Variants in CSPP1 observed in about 807,000 individuals in gnomAD.
The protein encoded by CSPP1 is centrosome and spindle pole associated protein 1.
A neutral mutation model predicts 164.4 loss-of-function variants in CSPP1; 126 were observed. That is an observed-to-expected ratio of 0.77 (90% CI 0.66 to 0.89). CSPP1 has a LOEUF of 0.89. CSPP1 is among the 40% of genes least tolerant of loss of function. CSPP1 has a pLI of 0.00. For synonymous variants in CSPP1, 472 were observed against 476.7 expected, an observed-to-expected ratio of 0.99 and a Z score of 0.13; for missense variants, 1,395 against 1,449.8, an observed-to-expected ratio of 0.96 and a Z score of 0.61.
In CSPP1 at chr8:67,190,758, T is replaced by C. The variant is rs922480262; in HGVS notation, c.3329T>C (p.Ile1110Thr). 6.3e-6 allele frequency: 10 copies of C among 1,599,066 alleles called. No individual in the cohort carries two copies. Among genetic ancestry groups the C allele is most frequent in the Non-Finnish European group, 8.6e-6 (10 of 1,166,392 alleles). ...AGGAACAAATGGAAAGGACTAGACA[T>C]TGTATGTATGAGACTTTTCTCCCCC... ...RRRNKWKGLD[I>T]DSSRPNVAPD... Residue 1110 changes from isoleucine to threonine, a missense_variant and splice_region_variant, in exon 29 of 31, where the codon ATT becomes ACT. Ile to Thr is a moderately conservative substitution (Grantham distance 89, BLOSUM62 -1). Coordinates refer to ENST00000678616, the MANE Select transcript of CSPP1 (RefSeq NM_001382391.1).
intron 24 of CSPP1, among the ~76,000 whole-genome samples, chr8:67,165,813 A>C (rs2129563458): frequency 6.6e-6 from 1 of 152,316 alleles, no homozygotes; most frequent in Non-Finnish European, 1.5e-5. Context: ...TAGAAAGTTA[A>C]CTATTCTTTG....
chr8:67,090,504 G>A (rs1811395819), intron 4 of CSPP1, among the ~76,000 whole-genome samples: 1 of 151,944 alleles, frequency 6.6e-6, no homozygotes, highest in Non-Finnish European at 1.5e-5. Flanking sequence ...AGGCTGGTCC[G>A]AACTCCTGAG....
Position 67,076,515 on chromosome 8 carries a change from A to G in CSPP1, c.133A>G (p.Lys45Glu). 1 of 1,600,928 alleles carries G rather than the reference A, an allele frequency of 6.2e-7. No homozygotes were observed. Among genetic ancestry groups the G allele is most frequent in the Non-Finnish European group, 8.5e-7 (1 of 1,174,944 alleles). Reference sequence around the variant, plus strand: ...GTCAGCGAAGCTTTCTGAAAACAGTAAGATACTGATCTCTATGGCTAAGGA... The same window carrying G: ...GTCAGCGAAGCTTTCTGAAAACAGTGAGATACTGATCTCTATGGCTAAGGA... ...KLSAKLSENS[K>E]ILISMAKENI... The change falls in exon 3 of 31, where the codon AAG (lysine) becomes GAG (glutamate). Residue 45 changes from lysine to glutamate, a missense_variant. Physicochemically the swap from Lys to Glu is moderately conservative, Grantham distance 56 (BLOSUM62 1). Coordinates refer to ENST00000678616, the MANE Select transcript of CSPP1 (RefSeq NM_001382391.1).
intron 21 of CSPP1, among the ~76,000 whole-genome samples, chr8:67,159,919 T>TCTTTC (rs1339666701): frequency 4.5e-4 from 27 of 59,352 alleles, no homozygotes; most frequent in East Asian, 9.4e-4. Context: ...TTTCTTTCTT[T>TCTTTC]CTTTCCTTTC....
At chr8:67,083,627 C>T (rs1809793671) in intron 3 of CSPP1, 1 of 142,564 alleles carries the variant, frequency 7.0e-6, no homozygotes. Context: ...TCTTTCCATT[C>T]TTCCACATAA....
At chr8:67,072,040 T>C (rs1056923654) in intron 1 of CSPP1, among the ~76,000 whole-genome samples, 2 of 152,198 alleles carry the variant, frequency 1.3e-5, no homozygotes, top group African/African-American at 4.8e-5. Flanking sequence ...CTCAGCACTT[T>C]GGGAGGCCAA....
At chr8:67,105,862 C>G in intron 8 of CSPP1, 43 bp from the exon 9 acceptor site, 1 of 1,131,730 alleles carries the variant, frequency 8.8e-7, no homozygotes, top group African/African-American at 1.5e-5. Context: ...TGAAAATTAT[C>G]TGGATTTTAA....
chr8:67,112,143 G>T, intron 10 of CSPP1, 78 bp downstream of exon 10: 1 of 913,286 alleles, frequency 1.1e-6, no homozygotes, highest in Non-Finnish European at 1.7e-6. Flanking sequence ...TTAAATAAGG[G>T]GTTGTCGTTC....
intron 25 of CSPP1, chr8:67,173,756 T>C (rs909370298): frequency 1.3e-5 from 2 of 152,282 alleles, no homozygotes; most frequent in African/African-American, 4.8e-5. Context: ...TTATTTTTTA[T>C]GCTATCAAAT....
chr8:67,136,511 G>A (rs940207115), intron 16 of CSPP1, among the ~76,000 whole-genome samples: 1 of 143,248 alleles, frequency 7.0e-6, no homozygotes, highest in Admixed American at 7.2e-5. Context: ...GGAGCTTGCA[G>A]TGAGCTGAGA....
chr8:67,085,781 A>G (rs1364083796), intron 3 of CSPP1, among the ~76,000 whole-genome samples: 1 of 152,118 alleles, frequency 6.6e-6, no homozygotes, highest in Non-Finnish European at 1.5e-5. Flanking sequence ...TGTTCTGGAC[A>G]GGAGAACAGG....
intron 19 of CSPP1, among the ~76,000 whole-genome samples, chr8:67,154,653 G>A (rs1007391325): frequency 6.6e-5 from 10 of 151,798 alleles, no homozygotes; most frequent in African/African-American, 9.7e-5. Context: ...GGCGTGAGCC[G>A]CCACACCTGA....
At chr8:67,083,548 A>AAATATATAT (rs1332248754) in intron 3 of CSPP1, 4 of 91,486 alleles carry the variant, frequency 4.4e-5, no homozygotes, top group East Asian at 3.5e-4. Context: ...AAAAAAAAAA[A>AAATATATAT]ATATATATAT....
chr8:67,159,216 AG>A (rs1827243881), intron 21 of CSPP1, 79 bp downstream of exon 21: 1 of 1,336,204 alleles, frequency 7.5e-7, no homozygotes, highest in Admixed American at 2.3e-5. Flanking sequence ...TTGTTAGAAA[AG>A]GGGAGAAAGA....
At chr8:67,190,129 T>G (rs990909392) in intron 28 of CSPP1, among the ~76,000 whole-genome samples, 1 of 152,234 alleles carries the variant, frequency 6.6e-6, no homozygotes, top group Middle Eastern at 3.2e-3. Context: ...AACTTGAATG[T>G]GAATGTTCAT....
chr8:67,184,203 T>C (rs1405210880), intron 28 of CSPP1, among the ~76,000 whole-genome samples: 1 of 152,184 alleles, frequency 6.6e-6, no homozygotes, highest in Non-Finnish European at 1.5e-5. Context: ...TGACTGTGCA[T>C]ACATGAAGAA....
chr8:67,196,415 CAGTA>C lies in CSPP1; in HGVS notation c.*826_*829del, dbSNP rs1353766728. 1.3e-5 allele frequency among the ~76,000 whole-genome samples: 2 copies of C among 152,104 alleles called. No individual in the cohort carries two copies. Among genetic ancestry groups the C allele is most frequent in the Non-Finnish European group, 2.9e-5 (2 of 68,032 alleles). The stretch of plus-strand genomic sequence containing the variant: ...AGTCCATGTGAGTTTTCTAATCACT[CAGTA>C]AGTGATACTTCTAAAAAAGGAAAGA... On this transcript the variant is annotated 3_prime_UTR_variant, in exon 31 of 31. Coordinates refer to ENST00000678616, the MANE Select transcript of CSPP1 (RefSeq NM_001382391.1).
At chr8:67,159,709 A>T (rs999411762) in intron 21 of CSPP1, among the ~76,000 whole-genome samples, 11 of 149,838 alleles carry the variant, frequency 7.3e-5, no homozygotes, top group Non-Finnish European at 1.6e-4. Context: ...TTTAGCAGAG[A>T]CGGGGTTTCA....
intron 9 of CSPP1, among the ~76,000 whole-genome samples, chr8:67,109,418 C>T (rs1816351281): frequency 1.3e-5 from 2 of 152,274 alleles, no homozygotes; most frequent in East Asian, 1.9e-4. Context: ...TATATCAGGT[C>T]CACCTAAGAT....
Sources: allele counts gnomAD v4.1 joint callset (sites outside exome capture counted in the v4.1 genomes callset), GRCh38; gene constraint gnomAD v4.1.1; transcripts MANE v1.5; gene names NCBI Gene and HGNC (gene_info 2026-07-23, HGNC 2026-07-21).